The following NELL1 variants were observed in gnomAD, a reference collection of about 807,000 sequenced individuals.
NELL1 encodes the protein neural EGFL like 1.
Under a neutral mutation model 107.4 loss-of-function variants are expected in NELL1, and 76 were observed. The ratio of observed to expected loss-of-function variants is 0.71; its 90% CI spans 0.59 to 0.86. The LOEUF (loss-of-function observed/expected upper bound fraction) is 0.86. Among genes scored for constraint, NELL1 ranks in the 40% least tolerant of loss-of-function variants. The probability of loss-of-function intolerance (pLI) is 0.00; values close to 1 mark genes in which losing one functional copy is unlikely to be tolerated. For missense variants in NELL1, 1,024 were observed against 1,005.5 expected (o/e 1.02, Z -0.25); for synonymous variants, 353 against 341.2 (o/e 1.03, Z -0.38).
At chr11:21,388,164 T>A (rs1392793222) in intron 15 of NELL1, among the ~76,000 whole-genome samples, 2 of 151,638 alleles carry the variant, frequency 1.3e-5, no homozygotes, top group Non-Finnish European at 2.9e-5. Flanking sequence ...ATCATTAATA[T>A]GGAGGTTTTA....
At chr11:21,527,419 TACA>T (rs1190873912) in intron 15 of NELL1, among the ~76,000 whole-genome samples, 1 of 152,178 alleles carries the variant, frequency 6.6e-6, no homozygotes, top group Non-Finnish European at 1.5e-5. Flanking sequence ...TCCAAAGTGT[TACA>T]ACATCTGCCT....
intron 14 of NELL1, among the ~76,000 whole-genome samples, chr11:21,230,746 T>C (rs1858026324): frequency 6.6e-6 from 1 of 152,214 alleles, no homozygotes; most frequent in South Asian, 2.1e-4. Context: ...AATTTTATTC[T>C]GTGTTGGTTA....
At chr11:20,960,344 C>A in intron 11 of NELL1, 88 bp from the exon 12 acceptor site, 1 of 1,306,390 alleles carries the variant, frequency 7.7e-7, no homozygotes, top group Non-Finnish European at 1.1e-6. Flanking sequence ...TGCATAGTGA[C>A]ATATAATAAA....
intron 12 of NELL1, among the ~76,000 whole-genome samples, chr11:20,985,086 C>G (rs1851825686): frequency 6.6e-6 from 1 of 152,152 alleles, no homozygotes. Context: ...AATGATTAAA[C>G]TGGGTCAAGT....
In NELL1 at chr11:21,232,278, C is replaced by T. The variant is rs138911060; in HGVS notation, c.1549+2824C>T. Among the ~76,000 whole-genome samples the T allele has an allele frequency of 3.2e-3, 475 of 146,786 alleles. 2 individuals are homozygous for T. Among genetic ancestry groups the T allele is most frequent in the African/African-American group, 0.011 (443 of 39,684 alleles). The stretch of plus-strand genomic sequence containing the variant: ...CTGGGAGGCAGAGGTTGCAGTGAGC[C>T]GAGATCATGCTACTGCACTCCAGCC... On this transcript the variant is annotated intron_variant, in intron 14 of 19. Transcript: ENST00000357134.
intron 15 of NELL1, among the ~76,000 whole-genome samples, chr11:21,437,875 C>A (rs1021104120): frequency 6.6e-6 from 1 of 152,092 alleles, no homozygotes; most frequent in Non-Finnish European, 1.5e-5. Context: ...AGTTGGAAAA[C>A]TTAAATTATT....
chr11:21,022,679 C>A (rs1852728462), intron 12 of NELL1, among the ~76,000 whole-genome samples: 1 of 152,040 alleles, frequency 6.6e-6, no homozygotes, highest in African/African-American at 2.4e-5. Context: ...TTGGACAATC[C>A]TAGTTTCAAG....
At chr11:21,031,712 A>C (rs1479593989) in intron 12 of NELL1, among the ~76,000 whole-genome samples, 1 of 152,072 alleles carries the variant, frequency 6.6e-6, no homozygotes, top group African/African-American at 2.4e-5. Flanking sequence ...TTTTGTTTTA[A>C]TTTATTATAA....
intron 13 of NELL1, among the ~76,000 whole-genome samples, chr11:21,223,011 C>T (rs975180507): frequency 6.6e-6 from 1 of 152,052 alleles, no homozygotes; most frequent in Non-Finnish European, 1.5e-5. Flanking sequence ...AGAATGTATG[C>T]TTTGTCGTTG....
chr11:21,332,102 C>T (rs2133687011), intron 14 of NELL1, among the ~76,000 whole-genome samples: 1 of 152,154 alleles, frequency 6.6e-6, no homozygotes, highest in East Asian at 1.9e-4. Context: ...CAACTGGACT[C>T]TCAGCTCTTA....
chr11:21,448,720 C>T (rs904773409), intron 15 of NELL1, among the ~76,000 whole-genome samples: 5 of 152,118 alleles, frequency 3.3e-5, no homozygotes, highest in Admixed American at 6.5e-5. Flanking sequence ...ATAATTTGCT[C>T]GCCCACTCTT....
intron 13 of NELL1, among the ~76,000 whole-genome samples, chr11:21,163,135 T>C (rs995827796): frequency 6.6e-6 from 1 of 152,130 alleles, no homozygotes; most frequent in Admixed American, 6.5e-5. Context: ...AAACACAAGT[T>C]CACATGGGGA....
intron 14 of NELL1, among the ~76,000 whole-genome samples, chr11:21,289,202 G>A (rs773952546): frequency 2.0e-5 from 3 of 152,212 alleles, no homozygotes; most frequent in Admixed American, 6.5e-5. Flanking sequence ...CCATGAAAAT[G>A]TATTTAAAAC....
chr11:21,291,309 A>G (rs549364258), intron 14 of NELL1, among the ~76,000 whole-genome samples: 6 of 152,310 alleles, frequency 3.9e-5, no homozygotes, highest in African/African-American at 7.2e-5. Flanking sequence ...CAAAGACACA[A>G]CGTACCAGAA....
intron 12 of NELL1, among the ~76,000 whole-genome samples, chr11:21,081,934 G>A (rs1482121232): frequency 6.6e-6 from 1 of 152,166 alleles, no homozygotes; most frequent in Non-Finnish European, 1.5e-5. Flanking sequence ...AATTTACTCA[G>A]ATGGGGGAAC....
At chr11:21,032,721 T>C (rs758557673) in intron 12 of NELL1, among the ~76,000 whole-genome samples, 4 of 152,166 alleles carry the variant, frequency 2.6e-5, no homozygotes, top group Non-Finnish European at 4.4e-5. Context: ...CATCTCTTTG[T>C]CTTTCTTGTT....
chr11:21,062,041 C>T lies in NELL1; in HGVS notation c.1301-51548C>T, dbSNP rs185992536. Among the ~76,000 whole-genome samples the T allele has an allele frequency of 2.6e-5, 4 of 152,228 alleles. No individual in the cohort carries two copies. The East Asian group carries it at 5.8e-4, about 22-fold the overall frequency. On this transcript the variant is annotated intron_variant, in intron 12 of 19. Coordinates refer to ENST00000357134, the MANE Select transcript of NELL1 (RefSeq NM_006157.5). ...CTTGCAACTGGTTGGTCTATTTTTC[C>T]CCAAGGTAGTTTCAAATGTTTAGAA... is the stretch of plus-strand genomic sequence containing the variant.
At chr11:20,728,635 AT>A (rs1411747648) in intron 2 of NELL1, among the ~76,000 whole-genome samples, 2 of 145,234 alleles carry the variant, frequency 1.4e-5, no homozygotes, top group Non-Finnish European at 3.0e-5. Context: ...TTGTGGCTTT[AT>A]TTCTGGGTTC....
intron 15 of NELL1, among the ~76,000 whole-genome samples, chr11:21,481,070 A>ATTTT (rs1401986634): frequency 8.5e-5 from 13 of 152,180 alleles, no homozygotes; most frequent in Admixed American, 8.5e-4. Context: ...CATTGTACAT[A>ATTTT]TTTAATGACA....
Sources: gnomAD v4.1 joint callset for allele counts (sites outside exome capture counted in the v4.1 genomes callset) on GRCh38, gnomAD v4.1.1 for gene constraint, MANE v1.5 for transcripts, NCBI Gene and HGNC (gene_info 2026-07-23, HGNC 2026-07-21) for gene names.